IL1RAPL2: variants seen among roughly 807,000 people sequenced by gnomAD.
IL1RAPL2 encodes interleukin 1 receptor accessory protein like 2.
A neutral mutation model predicts 44.1 loss-of-function variants in IL1RAPL2; 3 were observed. The ratio of observed to expected loss-of-function variants is 0.07; its 90% CI spans 0.03 to 0.18. The LOEUF (loss-of-function observed/expected upper bound fraction) is 0.18. IL1RAPL2 is among the 10% of genes least tolerant of loss of function. The pLI, the probability that IL1RAPL2 is intolerant of heterozygous loss-of-function variation, is 1.00. For synonymous variants in IL1RAPL2, 181 were observed against 178.8 expected (o/e 1.01, Z -0.10); for missense variants, 391 against 496.4 (o/e 0.79, Z 2.02).
At chrX:104,686,368 C>T (rs779057144) in intron 2 of IL1RAPL2, among the ~76,000 whole-genome samples, 9 of 112,189 alleles carry the variant, frequency 8.0e-5, no homozygotes, top group Non-Finnish European at 1.5e-4. Context: ...TTATTTTTCA[C>T]GCTTGGTAAG....
At chrX:105,351,572 T>A (rs1054232553) in intron 5 of IL1RAPL2, among the ~76,000 whole-genome samples, 1 of 109,303 alleles carries the variant, frequency 9.1e-6, no homozygotes, top group African/African-American at 3.3e-5. Flanking sequence ...TAAGTGGGAG[T>A]TGAAAAATGA....
chrX:104,947,346 T>G (rs371955043), intron 2 of IL1RAPL2, among the ~76,000 whole-genome samples: 1 of 94,605 alleles, frequency 1.1e-5, no homozygotes, highest in Non-Finnish European at 2.1e-5. Flanking sequence ...GTTGTGAAAA[T>G]TTTCTCCCAT....
In IL1RAPL2 at chrX:105,409,807, T is replaced by TATAGATAGATAGATAGATAG. The variant is rs764698139; in HGVS notation, c.698-74484_698-74465dup. Among the ~76,000 whole-genome samples, 246 of 89,410 alleles carry TATAGATAGATAGATAGATAG rather than the reference T, an allele frequency of 2.8e-3. 1 individual carries two copies. Among genetic ancestry groups the TATAGATAGATAGATAGATAG allele is most frequent in the East Asian group, 3.6e-3 (10 of 2,766 alleles). 77.6% of individuals were successfully genotyped at this position (89,410 alleles called of 115,157 possible). ...GGCAGGGACCAAATTGGCTTTGATT[T>TATAGATAGATAGATAGATAG]ATAGATAGATAGATAGATAGATAGA... On this transcript the variant is annotated intron_variant, in intron 5 of 10. Coordinates refer to ENST00000372582, the MANE Select transcript of IL1RAPL2 (RefSeq NM_017416.2).
chrX:105,638,965 T>A (rs2037545165), intron 6 of IL1RAPL2, among the ~76,000 whole-genome samples: 1 of 112,117 alleles, frequency 8.9e-6, no homozygotes, highest in South Asian at 3.7e-4. Context: ...ATGATCAAAT[T>A]GGTATTTCAT....
At chrX:105,596,891 C>T (rs1002164040) in intron 6 of IL1RAPL2, among the ~76,000 whole-genome samples, 7 of 111,650 alleles carry the variant, frequency 6.3e-5, no homozygotes, top group African/African-American at 2.3e-4. Context: ...GAGAAAAGCC[C>T]TTTGACATTG....
chrX:104,720,280 G>A (rs1369111582), intron 2 of IL1RAPL2, among the ~76,000 whole-genome samples: 3 of 111,345 alleles, frequency 2.7e-5, no homozygotes, highest in Non-Finnish European at 3.8e-5. Context: ...CAATGGCATC[G>A]CAAATTTTCC....
intron 2 of IL1RAPL2, among the ~76,000 whole-genome samples, chrX:105,083,300 A>T (rs1014827617): frequency 5.4e-5 from 6 of 111,894 alleles, no homozygotes; most frequent in Non-Finnish European, 1.1e-4. Flanking sequence ...ATATGGGATT[A>T]TGTGAAAAGA....
Position 105,767,368 on chromosome X carries a change from A to T in IL1RAPL2, c.1768A>T (p.Thr590Ser). The T allele has an allele frequency of 8.3e-7, 1 of 1,211,755 alleles. No individual in the cohort carries two copies. The highest frequency in any genetic ancestry group is 1.1e-6 in the Non-Finnish European group (1 of 895,470). ...CCAGCCTATACCCTCTATTGCCATG[A>T]CCAGTACTTCAGCCACTCTGGTGTC... ...ELQPIPSIAMTSTSATLVSSQ... is the reference protein window; with the variant it reads ...ELQPIPSIAMSSTSATLVSSQ... Residue 590 changes from threonine to serine, a missense_variant, in exon 11 of 11, where the codon ACC becomes TCC. Physicochemically the swap from Thr to Ser is moderately conservative, Grantham distance 58 (BLOSUM62 1). Coordinates refer to ENST00000372582, the MANE Select transcript of IL1RAPL2 (RefSeq NM_017416.2).
intron 2 of IL1RAPL2, among the ~76,000 whole-genome samples, chrX:104,733,211 G>T (rs978224761): frequency 9.0e-6 from 1 of 111,537 alleles, no homozygotes; most frequent in Non-Finnish European, 1.9e-5. Flanking sequence ...CAGGAAATAA[G>T]AATAGAAAAA....
At chrX:105,318,216 G>A (rs1456188640) in intron 5 of IL1RAPL2, among the ~76,000 whole-genome samples, 4 of 110,827 alleles carry the variant, frequency 3.6e-5, no homozygotes, top group Non-Finnish European at 7.6e-5. Flanking sequence ...CTCGTGATCC[G>A]CCCACCTCGG....
At chrX:105,738,304 G>A (rs753369995) in intron 7 of IL1RAPL2, among the ~76,000 whole-genome samples, 1 of 111,629 alleles carries the variant, frequency 9.0e-6, no homozygotes, top group Non-Finnish European at 1.9e-5. Context: ...AGTGCGTATG[G>A]TAGTTATTTT....
intron 2 of IL1RAPL2, among the ~76,000 whole-genome samples, chrX:104,777,278 G>A (rs905451510): frequency 2.9e-4 from 32 of 110,554 alleles, no homozygotes; most frequent in African/African-American, 8.2e-4. Context: ...CTCTAGGTAC[G>A]TCATATAAGT....
At chrX:104,675,363 G>C (rs1255856795) in intron 2 of IL1RAPL2, among the ~76,000 whole-genome samples, 2 of 111,440 alleles carry the variant, frequency 1.8e-5, no homozygotes, top group Non-Finnish European at 3.8e-5. Context: ...TGTACCCAGT[G>C]GTCATTCAGG....
chrX:105,744,884 C>G (rs1169582988), intron 8 of IL1RAPL2, among the ~76,000 whole-genome samples: 1 of 111,703 alleles, frequency 9.0e-6, no homozygotes, highest in Admixed American at 9.5e-5. Context: ...TCTGCACATA[C>G]TTCCTTTCTC....
At chrX:104,627,446 A>G (rs1929537487) in intron 1 of IL1RAPL2, among the ~76,000 whole-genome samples, 2 of 109,035 alleles carry the variant, frequency 1.8e-5, no homozygotes, top group South Asian at 8.2e-4. Flanking sequence ...ACAAACCTGC[A>G]CATTGTGCAC....
rs1302416168 is a variant in IL1RAPL2, at chrX:104,719,907, G to T, written c.82+60912G>T. On this transcript the variant is annotated intron_variant, in intron 2 of 10. Coordinates refer to ENST00000372582, the MANE Select transcript of IL1RAPL2 (RefSeq NM_017416.2). ...CAGGGAAGATCAGATTTCTTGCTGG[G>T]AGTGATGGTGGTCACAAAGGTCATT... Among the ~76,000 whole-genome samples the T allele has an allele frequency of 7.2e-5, 8 of 111,238 alleles. No individual in the cohort carries two copies. In the Admixed American group the frequency reaches 7.7e-4, roughly 11 times the overall value.
chrX:104,892,905 T>C (rs1411847584), intron 2 of IL1RAPL2, among the ~76,000 whole-genome samples: 26 of 112,468 alleles, frequency 2.3e-4, no homozygotes, highest in African/African-American at 8.1e-4. Context: ...TTTTAGATCT[T>C]TTCTGCTTTC....
chrX:105,005,903 T>C (rs747863401), intron 2 of IL1RAPL2, among the ~76,000 whole-genome samples: 1 of 110,267 alleles, frequency 9.1e-6, no homozygotes, highest in Non-Finnish European at 1.9e-5. Flanking sequence ...ATGAGCAGAG[T>C]TTTGGTAGGG....
At chrX:105,286,108 T>G (rs1237955889) in intron 5 of IL1RAPL2, among the ~76,000 whole-genome samples, 1 of 111,564 alleles carries the variant, frequency 9.0e-6, no homozygotes, top group Non-Finnish European at 1.9e-5. Context: ...AGTTTATTAG[T>G]AGGGAGATAC....
Sources: allele counts gnomAD v4.1 joint callset (sites outside exome capture counted in the v4.1 genomes callset), GRCh38; gene constraint gnomAD v4.1.1; transcripts MANE v1.5; gene names NCBI Gene and HGNC (gene_info 2026-07-23, HGNC 2026-07-21).